Variants in ACP7 observed in about 807,000 individuals in gnomAD.
The protein encoded by ACP7 is acid phosphatase 7, tartrate resistant (putative).
In ACP7, 58 loss-of-function variants were observed where a neutral mutation model predicts 60.6. The observed-to-expected ratio is 0.96, with a 90% confidence interval of 0.77 to 1.19. The LOEUF (loss-of-function observed/expected upper bound fraction) is 1.19, where lower values mean the gene tolerates loss of function less well. ACP7 is among the 50% of genes most tolerant of loss of function. The pLI is 0.00. For synonymous variants in ACP7, 237 were observed against 232.6 expected, an observed-to-expected ratio of 1.02 and a Z score of -0.17; for missense variants, 574 against 596.2, an observed-to-expected ratio of 0.96 and a Z score of 0.39.
At chr19:39,093,623 A>G (rs1048493999) in intron 2 of ACP7, among the ~76,000 whole-genome samples, 1 of 151,608 alleles carries the variant, frequency 6.6e-6, no homozygotes, top group African/African-American at 2.4e-5. Context: ...TCCTGGCCTC[A>G]AAGTGATCTA....
chr19:39,096,474 C>A (rs2073267364), intron 2 of ACP7, among the ~76,000 whole-genome samples: 1 of 152,184 alleles, frequency 6.6e-6, no homozygotes. Flanking sequence ...TTGTCCATAT[C>A]ATTATCAGTA....
chr19:39,097,399 C>CAAAAAAA lies in ACP7; in HGVS notation c.122-1050_122-1044dup, dbSNP rs527462300. On this transcript the variant is annotated intron_variant, in intron 2 of 12. Coordinates refer to ENST00000331256, the MANE Select transcript of ACP7 (RefSeq NM_001004318.3). ...GCCTAGGCAACAGGGCAAGACTCCT[C>CAAAAAAA]AAAAAAAAAAAAAAATTAGCTGGGC... 7.2e-5 allele frequency among the ~76,000 whole-genome samples: 9 copies of CAAAAAAA among 125,674 alleles called. 1 individual carries two copies. In the East Asian group the frequency reaches 9.3e-4, roughly 13 times the overall value. 82.4% of individuals were successfully genotyped at this position (125,674 alleles called of 152,430 possible).
intron 2 of ACP7, among the ~76,000 whole-genome samples, chr19:39,088,984 T>C (rs2073175334): frequency 6.6e-6 from 1 of 150,496 alleles, no homozygotes; most frequent in Non-Finnish European, 1.5e-5. Context: ...GGCTAGAGTG[T>C]AGTGGTGAGA....
intron 2 of ACP7, among the ~76,000 whole-genome samples, chr19:39,087,796 G>A: frequency 6.6e-6 from 1 of 151,944 alleles, no homozygotes; most frequent in East Asian, 1.9e-4. Context: ...ACCACACCTG[G>A]CTAATTTTTG....
chr19:39,106,238 A>G (rs2073409593), intron 11 of ACP7, among the ~76,000 whole-genome samples: 1 of 152,206 alleles, frequency 6.6e-6, no homozygotes, highest in Admixed American at 6.6e-5. Flanking sequence ...GCCAGGCTTC[A>G]GATCCAGTGA....
chr19:39,097,252 G>A (rs752666696), intron 2 of ACP7, among the ~76,000 whole-genome samples: 1 of 152,084 alleles, frequency 6.6e-6, no homozygotes, highest in Admixed American at 6.6e-5. Context: ...GTCTCCCACT[G>A]GTCCCTCCCA....
Position 39,100,337 on chromosome 19 carries a change from C to G in ACP7, c.616C>G (p.His206Asp). The change falls in exon 5 of 13, where the codon CAT becomes GAT. Residue 206 changes from histidine (H) to aspartate (D), a missense_variant. Physicochemically the swap from His to Asp is moderately conservative, Grantham distance 81 (BLOSUM62 -1). Transcript: ENST00000331256. ...GCCGTACATGACATGCCCTGGGAAT[C>G]ATGAAGAACGCTAGTGAGGACTGAG... ...SLPYMTCPGN[H>D]EERYNFSNYK... is the part of the protein sequence containing the mutation. 1.2e-6 allele frequency: 2 copies of G among 1,614,134 alleles called. No individual in the cohort carries two copies. Among genetic ancestry groups the G allele is most frequent in the Non-Finnish European group, 1.7e-6 (2 of 1,180,024 alleles).
intron 4 of ACP7, among the ~76,000 whole-genome samples, chr19:39,100,013 A>C (rs1054847773): frequency 8.6e-5 from 13 of 150,384 alleles, no homozygotes; most frequent in Admixed American, 1.3e-4. Context: ...AAAAAAAAAA[A>C]AAGTGCCCAT....
At position 39,085,211 on chromosome 19, in the gene ACP7, G is replaced by A. The variant is rs1007037753; in HGVS notation, c.-59G>A. The A allele has an allele frequency of 2.6e-5, 40 of 1,558,586 alleles. No individual in the cohort carries two copies. Among genetic ancestry groups the A allele is most frequent in the Middle Eastern group, 1.8e-4 (1 of 5,700 alleles). On this transcript the variant is annotated 5_prime_UTR_variant, in exon 2 of 13. Coordinates refer to ENST00000331256, the MANE Select transcript of ACP7 (RefSeq NM_001004318.3). ...CCAGCCCTTCCTGCTGTACCTGTGG[G>A]GAGCTGATCTCCTCAGTCCCCCTGC...
At chr19:39,093,429 G>C (rs1004861692) in intron 2 of ACP7, among the ~76,000 whole-genome samples, 12 of 151,668 alleles carry the variant, frequency 7.9e-5, no homozygotes, top group Non-Finnish European at 1.2e-4. Flanking sequence ...AATTTTTATA[G>C]TTTTAGTAGA....
At chr19:39,085,627 G>A (rs531733773) in intron 2 of ACP7, among the ~76,000 whole-genome samples, 3 of 152,140 alleles carry the variant, frequency 2.0e-5, no homozygotes, top group East Asian at 1.9e-4. Context: ...AAAGGGGACC[G>A]CTGCTGTCCT....
chr19:39,110,199 G>A lies in ACP7; in HGVS notation c.*81G>A, dbSNP rs907284839. 7.3e-7 allele frequency: 1 copy of A among 1,374,806 alleles called. No individual in the cohort carries two copies. The highest frequency in any genetic ancestry group is 1.0e-6 in the Non-Finnish European group (1 of 973,744). The allele number at this position is 1,374,806 out of a possible 1,614,324, so 85.2% of individuals were successfully genotyped here. Reference sequence around the variant, plus strand: ...CCAGAAACTGCCCAGGCCTGGGTGGGGAGTTGGGTGGGCCCTGACTCCCCT... The same window carrying A: ...CCAGAAACTGCCCAGGCCTGGGTGGAGAGTTGGGTGGGCCCTGACTCCCCT... On this transcript the variant is annotated 3_prime_UTR_variant, in exon 13 of 13. Transcript: ENST00000331256.
intron 4 of ACP7, among the ~76,000 whole-genome samples, chr19:39,099,909 C>T (rs1438516668): frequency 3.4e-5 from 5 of 147,658 alleles, no homozygotes; most frequent in Middle Eastern, 3.5e-3. Flanking sequence ...AGGAGAACCG[C>T]TTGAACCCAG....
At chr19:39,108,008 G>A (rs566169862) in intron 12 of ACP7, among the ~76,000 whole-genome samples, 3 of 152,164 alleles carry the variant, frequency 2.0e-5, no homozygotes, top group Admixed American at 1.3e-4. Context: ...CTATGATCTC[G>A]CCTCTGTACT....
chr19:39,107,311 G>A (rs143987100), intron 12 of ACP7, among the ~76,000 whole-genome samples: 2,155 of 151,972 alleles, frequency 0.014, 36 homozygotes, highest in Middle Eastern at 0.034. Context: ...GGCCAGGCAC[G>A]GTGGCTCATG....
chr19:39,087,517 A>C (rs1372607319), intron 2 of ACP7, among the ~76,000 whole-genome samples: 7 of 152,122 alleles, frequency 4.6e-5, no homozygotes. Context: ...ACTGGAGTGC[A>C]GTAGCACAAA....
chr19:39,098,875 C>T (rs931594116), intron 3 of ACP7, 85 bp from the exon 4 acceptor site: 2 of 1,403,894 alleles, frequency 1.4e-6, no homozygotes, highest in Non-Finnish European at 1.9e-6. Context: ...CCATCTCCTC[C>T]CCTCCACCAG....
intron 12 of ACP7, among the ~76,000 whole-genome samples, 161 bp from the exon 13 acceptor site, chr19:39,109,892 C>A (rs1424354840): frequency 6.6e-6 from 1 of 152,184 alleles, no homozygotes; most frequent in East Asian, 1.9e-4. Context: ...CTCTTCCTAT[C>A]ACTTTTCAGA....
At chr19:39,093,031 G>A (rs1473232968) in intron 2 of ACP7, among the ~76,000 whole-genome samples, 1 of 151,844 alleles carries the variant, frequency 6.6e-6, no homozygotes, top group Admixed American at 6.6e-5. Flanking sequence ...ACCTGCCTTG[G>A]CCTCCCAAAG....
Sources: allele counts gnomAD v4.1 joint callset (sites outside exome capture counted in the v4.1 genomes callset), GRCh38; gene constraint gnomAD v4.1.1; transcripts MANE v1.5; gene names NCBI Gene and HGNC (gene_info 2026-07-23, HGNC 2026-07-21).